PRKAR1A: variants seen among roughly 807,000 people sequenced by gnomAD.
PRKAR1A encodes the protein protein kinase cAMP-dependent type I regulatory subunit alpha, also known as cAMP-dependent protein kinase type I-alpha regulatory subunit.
PRKAR1A carries 3 observed loss-of-function variants against 52.0 expected under a neutral mutation model. That is an observed-to-expected ratio of 0.06 (90% CI 0.03 to 0.15). The LOEUF (loss-of-function observed/expected upper bound fraction) is 0.15. Ranked by LOEUF, PRKAR1A falls within the 10% of genes least tolerant of loss-of-function variation. The pLI, the probability that PRKAR1A is intolerant of heterozygous loss-of-function variation, is 1.00. For synonymous variants in PRKAR1A, 188 were observed against 168.4 expected (o/e 1.12, Z -0.90); for missense variants, 240 against 477.4 (o/e 0.50, Z 4.63).
the PRKAR1A span, chr17:68,450,682 TCCCG>T: frequency 6.4e-7 from 1 of 1,555,912 alleles, no homozygotes; most frequent in Non-Finnish European, 8.7e-7. Flanking sequence ...TTTGTTTGGC[TCCCG>T]TTAGCAGAAG....
At chr17:68,483,029 T>C in the PRKAR1A span, among the ~76,000 whole-genome samples, 4 of 152,234 alleles carry the variant, frequency 2.6e-5, no homozygotes, top group East Asian at 1.9e-4. Context: ...TAGGAAATCA[T>C]TGGCTAACTT....
chr17:68,441,525 G>A, the PRKAR1A span, among the ~76,000 whole-genome samples: 1 of 152,174 alleles, frequency 6.6e-6, no homozygotes, highest in East Asian at 1.9e-4. Flanking sequence ...GAACAGATAA[G>A]GCGACTCCTG....
the PRKAR1A span, among the ~76,000 whole-genome samples, chr17:68,462,127 C>T: frequency 6.6e-6 from 1 of 152,158 alleles, no homozygotes; most frequent in Non-Finnish European, 1.5e-5. Context: ...TCCCAAGAGT[C>T]AGGAAAAATG....
At chr17:68,529,685 A>G (rs1179049680) in intron 9 of PRKAR1A, among the ~76,000 whole-genome samples, 1 of 152,106 alleles carries the variant, frequency 6.6e-6, no homozygotes, top group East Asian at 1.9e-4. Flanking sequence ...CCCTTCATCT[A>G]CAGTTTGCTA....
chr17:68,468,362 G>T, the PRKAR1A span, among the ~76,000 whole-genome samples: 1 of 152,152 alleles, frequency 6.6e-6, no homozygotes, highest in Non-Finnish European at 1.5e-5. Context: ...GTGAGAGGAG[G>T]CAGGCTGTAA....
At chr17:68,500,476 AC>A in the PRKAR1A span, among the ~76,000 whole-genome samples, 1 of 150,558 alleles carries the variant, frequency 6.6e-6, no homozygotes, top group Non-Finnish European at 1.5e-5. Flanking sequence ...AGTCCATTAA[AC>A]TTCTCTTCCT....
chr17:68,463,835 G>C, the PRKAR1A span, among the ~76,000 whole-genome samples: 1 of 152,194 alleles, frequency 6.6e-6, no homozygotes, highest in African/African-American at 2.4e-5. Context: ...TGGAAGTTCT[G>C]ACTTACACTG....
chr17:68,421,031 G>A, the PRKAR1A span: 14 of 155,514 alleles, frequency 9.0e-5, no homozygotes, highest in Admixed American at 3.7e-4. Flanking sequence ...TCCGGATTCC[G>A]TCTCAGTAGG....
At chr17:68,521,932 C>G (rs1433233570) in intron 2 of PRKAR1A, among the ~76,000 whole-genome samples, 1 of 152,064 alleles carries the variant, frequency 6.6e-6, no homozygotes, top group Non-Finnish European at 1.5e-5. Flanking sequence ...TTTTAAGGCT[C>G]TAGATGTGAA....
chr17:68,429,057 C>T, the PRKAR1A span: 9 of 712,060 alleles, frequency 1.3e-5, no homozygotes, highest in Non-Finnish European at 2.2e-5. Flanking sequence ...AAACCCTTAG[C>T]CCACTGATCT....
chr17:68,525,936 G>A, intron 7 of PRKAR1A, 24 bp downstream of exon 7: 2 of 1,611,988 alleles, frequency 1.2e-6, no homozygotes, highest in South Asian at 2.2e-5. Context: ...GTGTTTGAGA[G>A]TGTGATTTAG....
intron 11 of PRKAR1A, among the ~76,000 whole-genome samples, chr17:68,545,521 T>C (rs1029456203): frequency 2.0e-5 from 3 of 152,234 alleles, no homozygotes; most frequent in African/African-American, 7.2e-5. Flanking sequence ...TAAAAAATGC[T>C]AACACTCTTC....
chr17:68,528,774 G>A (rs2085871785), intron 8 of PRKAR1A, 96 bp from the exon 9 acceptor site: 5 of 1,484,342 alleles, frequency 3.4e-6, no homozygotes, highest in South Asian at 2.3e-5. Flanking sequence ...ATGTTGAATG[G>A]GCATGGCTAT....
chr17:68,456,935 G>A, the PRKAR1A span, among the ~76,000 whole-genome samples: 74 of 152,278 alleles, frequency 4.9e-4, no homozygotes, highest in Admixed American at 7.8e-4. Flanking sequence ...CCCAACTACA[G>A]AGTCCTGGGT....
the PRKAR1A span, among the ~76,000 whole-genome samples, chr17:68,424,766 A>G: frequency 6.5e-4 from 99 of 152,204 alleles, 2 homozygotes; most frequent in Non-Finnish European, 4.4e-5. Flanking sequence ...AATTGCAGCT[A>G]CTCGGGAGGC....
chr17:68,446,911 C>G, the PRKAR1A span, among the ~76,000 whole-genome samples: 2 of 152,168 alleles, frequency 1.3e-5, no homozygotes, highest in East Asian at 3.8e-4. Flanking sequence ...CAGAGGGAAA[C>G]AGAGAGAAAA....
chr17:68,430,130 G>A, the PRKAR1A span: 1 of 1,613,964 alleles, frequency 6.2e-7, no homozygotes, highest in Non-Finnish European at 8.5e-7. Flanking sequence ...TTCCCATGTA[G>A]CCACTCCAGG....
chr17:68,426,247 A>AGGGGGGGGGGGGGGGG, the PRKAR1A span: 4 of 655,812 alleles, frequency 6.1e-6, 1 homozygote, highest in Admixed American at 3.9e-5. Context: ...GCGGGTGGGG[A>AGGGGGGGGGGGGGGGG]GCGGGGGCTC....
chr17:68,538,569 G>C (rs1414528783), intron 11 of PRKAR1A, among the ~76,000 whole-genome samples: 3 of 152,252 alleles, frequency 2.0e-5, no homozygotes, highest in African/African-American at 4.8e-5. Flanking sequence ...ACATTCTCTA[G>C]AGAAATGGTG....
Sources: allele counts gnomAD v4.1 joint callset (sites outside exome capture counted in the v4.1 genomes callset), GRCh38; gene constraint gnomAD v4.1.1; transcripts MANE v1.5; gene names NCBI Gene and HGNC (gene_info 2026-07-23, HGNC 2026-07-21).